The following TMEM236 variants were observed in gnomAD, a reference collection of about 807,000 sequenced individuals.
TMEM236 encodes the protein family with sequence similarity 23, member A.
A neutral mutation model predicts 14.7 loss-of-function variants in TMEM236; 11 were observed. The observed-to-expected ratio is 0.75, with a 90% CI of 0.47 to 1.24. The LOEUF (loss-of-function observed/expected upper bound fraction) is 1.24. Ranked by LOEUF, TMEM236 falls within the 50% of genes most tolerant of loss-of-function variation. The pLI, the probability that TMEM236 is intolerant of heterozygous loss-of-function variation, is 0.00. For missense variants in TMEM236, 464 were observed against 427.3 expected (o/e 1.09, Z -0.76); for synonymous variants, 182 against 168.6 (o/e 1.08, Z -0.62).
chr10:17,764,427 T>C (rs1837427330), intron 1 of TMEM236, among the ~76,000 whole-genome samples: 2 of 152,216 alleles, frequency 1.3e-5, no homozygotes, highest in Non-Finnish European at 1.5e-5. Flanking sequence ...CCAATCCTAC[T>C]GTGGTCGCAA....
chr10:17,777,644 T>C (rs1468404466), intron 3 of TMEM236, among the ~76,000 whole-genome samples: 3 of 152,124 alleles, frequency 2.0e-5, no homozygotes, highest in Admixed American at 2.0e-4. Flanking sequence ...TAATATAAAT[T>C]TCCTGTCCAA....
chr10:17,752,376 C>T lies in TMEM236; in HGVS notation c.81C>T (p.Ile27=), dbSNP rs1197234982. Residue 27 remains isoleucine (I), a synonymous_variant, in exon 1 of 4, where the codon ATC becomes ATT. Coordinates refer to ENST00000377495, the MANE Select transcript of TMEM236 (RefSeq NM_001098844.3). Reference sequence around the variant, plus strand: ...CTTTCTCCATCCCCACACTCGTGATCACAGAACAGTTTGCCACCGCCTACC... The same window carrying T: ...CTTTCTCCATCCCCACACTCGTGATTACAGAACAGTTTGCCACCGCCTACC... ...FAAFSIPTLV[I]TEQFATAYQG... 1.9e-6 allele frequency: 3 copies of T among 1,613,748 alleles called. No homozygotes were observed. The African/African-American group carries it at 4.0e-5, about 22-fold the overall frequency.
At chr10:17,781,004 G>A (rs1192089112) in intron 3 of TMEM236, among the ~76,000 whole-genome samples, 1 of 152,154 alleles carries the variant, frequency 6.6e-6, no homozygotes, top group African/African-American at 2.4e-5. Flanking sequence ...TATGCAAATG[G>A]ACTTTCCACT....
chr10:17,793,829 G>C (rs1365084836), intron 3 of TMEM236, among the ~76,000 whole-genome samples: 1 of 152,164 alleles, frequency 6.6e-6, no homozygotes, highest in Non-Finnish European at 1.5e-5. Flanking sequence ...GGATACAAAT[G>C]AGCATCTGAG....
intron 2 of TMEM236, among the ~76,000 whole-genome samples, chr10:17,772,237 T>A (rs986447400): frequency 5.1e-4 from 78 of 152,298 alleles, no homozygotes; most frequent in South Asian, 1.2e-3. Flanking sequence ...TACCGAGTAA[T>A]GTATGACATT....
At chr10:17,768,086 G>GTTTTTTTTTTTTTTTTTTTTTTTTTTTTT (rs879036347) in intron 1 of TMEM236, among the ~76,000 whole-genome samples, 3 of 92,022 alleles carry the variant, frequency 3.3e-5, no homozygotes, top group African/African-American at 4.4e-5. Context: ...AATTTTTGTG[G>GTTTTTTTTTTTTTTTTTTTTTTTTTTTTT]TTTTTTTTTT....
At chr10:17,781,922 A>G (rs1372192668) in intron 3 of TMEM236, among the ~76,000 whole-genome samples, 1 of 152,100 alleles carries the variant, frequency 6.6e-6, no homozygotes, top group Non-Finnish European at 1.5e-5. Context: ...CTAAATGTTT[A>G]AAAATCATTA....
At chr10:17,767,883 A>T (rs1258935794) in intron 1 of TMEM236, among the ~76,000 whole-genome samples, 4 of 150,732 alleles carry the variant, frequency 2.7e-5, no homozygotes, top group Non-Finnish European at 4.4e-5. Flanking sequence ...GAGTGATTAC[A>T]ATTTTTACTA....
intron 3 of TMEM236, among the ~76,000 whole-genome samples, chr10:17,785,783 T>C (rs1328772733): frequency 6.6e-6 from 1 of 152,190 alleles, no homozygotes; most frequent in Non-Finnish European, 1.5e-5. Context: ...CCTTTGCTAC[T>C]TAGAAGAAGG....
chr10:17,760,737 A>C (rs1837349821), intron 1 of TMEM236, among the ~76,000 whole-genome samples: 1 of 152,224 alleles, frequency 6.6e-6, no homozygotes, highest in African/African-American at 2.4e-5. Context: ...ACAGTTCCAC[A>C]TCGCTGGGGA....
intron 3 of TMEM236, among the ~76,000 whole-genome samples, chr10:17,782,171 G>A (rs1290818519): frequency 6.6e-6 from 1 of 152,050 alleles, no homozygotes; most frequent in Non-Finnish European, 1.5e-5. Flanking sequence ...CTGGCTTGAG[G>A]CTCAACACCT....
chr10:17,793,979 A>C (rs1438333788), intron 3 of TMEM236, among the ~76,000 whole-genome samples: 2 of 152,198 alleles, frequency 1.3e-5, no homozygotes, highest in Non-Finnish European at 2.9e-5. Context: ...TTCTAAGGTC[A>C]TGGGTGCTGA....
rs1554836423 is a variant in TMEM236 at position 17,796,457 on chromosome 10, C to T, written c.1009C>T (p.Leu337=). 2 of 1,613,580 alleles carry T rather than the reference C, an allele frequency of 1.2e-6. No individual in the cohort carries two copies. Among genetic ancestry groups the T allele is most frequent in the Non-Finnish European group, 1.7e-6 (2 of 1,179,824 alleles). ...TCTCTCTTACATTTACTTCAATTAC[C>T]TAACCAGAATCAGGATTTTTTCTGC... ...VTLSYIYFNY[L]TRIRIFSAFE... is the part of the protein sequence containing the mutation. Residue 337 remains leucine, a synonymous_variant, in exon 4 of 4, where the codon CTA becomes TTA. Transcript: ENST00000377495.
rs1238545582 is a variant in TMEM236, at chr10:17,764,837, CT to C, written c.258-6459del. On this transcript the variant is annotated intron_variant, in intron 1 of 3. Transcript: ENST00000377495. ...CTGCATGTCTGTTTTCAGATTTTCCCTTTTTTTTTTTTTGAGACGGGGTCTC... is the reference window on the plus strand; with the variant it reads ...CTGCATGTCTGTTTTCAGATTTTCCCTTTTTTTTTTTTGAGACGGGGTCTC... Among the ~76,000 whole-genome samples the C allele has an allele frequency of 1.8e-3, 225 of 127,348 alleles. 2 individuals are homozygous for C. The highest frequency in any genetic ancestry group is 2.3e-3 in the Non-Finnish European group (140 of 61,346). 83.5% of individuals were successfully genotyped at this position (127,348 alleles called of 152,430 possible).
In TMEM236 at chr10:17,776,090, T is replaced by TA; in HGVS notation, c.393dup (p.Ser132IlefsTer11). The TA allele has an allele frequency of 6.2e-7, 1 of 1,613,886 alleles. No homozygotes were observed. The highest frequency in any genetic ancestry group is 1.7e-5 in the Admixed American group (1 of 60,020). ...CCTGATATGTTACCTGACCTGCCCG[T>TA]ATCTCTGGTTCTGTTATCCCTGATC... On this transcript the variant is annotated frameshift_variant, in exon 3 of 4. Transcript: ENST00000377495. LOFTEE classifies it high-confidence loss of function.
intron 1 of TMEM236, among the ~76,000 whole-genome samples, chr10:17,758,523 A>G (rs938635921): frequency 8.5e-5 from 13 of 152,240 alleles, no homozygotes; most frequent in African/African-American, 3.1e-4. Flanking sequence ...TTTCGTGAGC[A>G]AAACAGAGAC....
chr10:17,777,394 T>C (rs923352860), intron 3 of TMEM236, among the ~76,000 whole-genome samples: 4 of 152,182 alleles, frequency 2.6e-5, no homozygotes, highest in Non-Finnish European at 2.9e-5. Context: ...CTCAGGAGAG[T>C]TGGGAATCTC....
rs895079787 is a variant in TMEM236, at chr10:17,773,982, T to C, written c.331-2047T>C. 6.7e-3 allele frequency among the ~76,000 whole-genome samples: 1,023 copies of C among 152,304 alleles called. 5 individuals carry two copies. Among genetic ancestry groups the C allele is most frequent in the Non-Finnish European group, 0.011 (749 of 68,032 alleles). ...CACTCACTTGTAGAAGATTTTGTCA[T>C]TGTGAATCTGAATTTCAAAGTCTTA... On this transcript the variant is annotated intron_variant, in intron 2 of 3. Transcript: ENST00000377495.
Position 17,796,647 on chromosome 10 carries a change from C to A in TMEM236, c.*143C>A. On this transcript the variant is annotated 3_prime_UTR_variant, in exon 4 of 4. Coordinates refer to ENST00000377495, the MANE Select transcript of TMEM236 (RefSeq NM_001098844.3). ...AATAAGCCATTTTTACTAACTCTAG[C>A]ATATCAGTTTTTTTTTTTACATATA... The A allele has an allele frequency of 1.5e-6, 1 of 679,692 alleles. No individual in the cohort carries two copies. Among genetic ancestry groups the A allele is most frequent in the Non-Finnish European group, 2.4e-6 (1 of 415,590 alleles). The allele number at this position is 679,692 out of a possible 1,614,324, so 42.1% of individuals were successfully genotyped here. A position where few individuals can be genotyped will look rare whatever the true frequency, so the allele number is the denominator to read the frequency against.
Sources: allele counts gnomAD v4.1 joint callset (sites outside exome capture counted in the v4.1 genomes callset), GRCh38; gene constraint gnomAD v4.1.1; transcripts MANE v1.5; gene names NCBI Gene and HGNC (gene_info 2026-07-23, HGNC 2026-07-21).